CDH18: variants seen among roughly 807,000 people sequenced by gnomAD.
The protein encoded by CDH18 is cadherin 18.
In CDH18, 31 loss-of-function variants were observed where a neutral mutation model predicts 67.9. That is an observed-to-expected ratio of 0.46 (90% CI 0.34 to 0.62). CDH18 has a LOEUF of 0.62. Among genes scored for constraint, CDH18 ranks in the 20% least tolerant of loss-of-function variants. CDH18 has a pLI of 0.01. For synonymous variants in CDH18, 362 were observed against 347.2 expected, an observed-to-expected ratio of 1.04 and a Z score of -0.48; for missense variants, 890 against 975.5, an observed-to-expected ratio of 0.91 and a Z score of 1.17.
chr5:20,090,794 C>G (rs1745349560), intron 2 of CDH18, among the ~76,000 whole-genome samples: 1 of 151,918 alleles, frequency 6.6e-6, no homozygotes, highest in African/African-American at 2.4e-5. Flanking sequence ...CTTTAGGAGG[C>G]CAAGGCGGCC....
At chr5:20,329,659 A>G (rs1420186137) in intron 1 of CDH18, among the ~76,000 whole-genome samples, 1 of 149,618 alleles carries the variant, frequency 6.7e-6, no homozygotes, top group Non-Finnish European at 1.5e-5. Flanking sequence ...AATCCCAGCT[A>G]CTTGGGAGGC....
chr5:19,765,367 T>C (rs544580544), intron 3 of CDH18, among the ~76,000 whole-genome samples: 2 of 150,614 alleles, frequency 1.3e-5, no homozygotes, highest in African/African-American at 4.8e-5. Flanking sequence ...AAAAAGACAA[T>C]CTCAATCTAT....
chr5:19,590,328 C>T (rs747864307), intron 7 of CDH18, among the ~76,000 whole-genome samples: 1 of 151,980 alleles, frequency 6.6e-6, no homozygotes, highest in Non-Finnish European at 1.5e-5. Context: ...GTGTTTAAAA[C>T]CAAGTTATTC....
At chr5:20,382,515 C>T (rs893009386) in intron 1 of CDH18, among the ~76,000 whole-genome samples, 9 of 152,042 alleles carry the variant, frequency 5.9e-5, no homozygotes, top group African/African-American at 2.2e-4. Flanking sequence ...GGATGCCAAT[C>T]ATGGTGATGT....
At chr5:19,875,068 C>G (rs1786780532) in intron 2 of CDH18, among the ~76,000 whole-genome samples, 1 of 152,144 alleles carries the variant, frequency 6.6e-6, no homozygotes, top group Non-Finnish European at 1.5e-5. Context: ...TTCTTCCCAT[C>G]TTGGAAACAC....
intron 2 of CDH18, among the ~76,000 whole-genome samples, chr5:19,905,282 G>C (rs192905851): frequency 6.6e-6 from 1 of 152,028 alleles, no homozygotes; most frequent in Non-Finnish European, 1.5e-5. Context: ...GGTTGGTTTT[G>C]TATCCTAACC....
chr5:20,079,534 T>C (rs776510182), intron 2 of CDH18, among the ~76,000 whole-genome samples: 18 of 152,164 alleles, frequency 1.2e-4, no homozygotes, highest in Admixed American at 2.0e-4. Context: ...ATGCAGACAC[T>C]TCCTTGGCAT....
At chr5:20,512,831 C>A (rs908440454) in intron 1 of CDH18, among the ~76,000 whole-genome samples, 1 of 150,310 alleles carries the variant, frequency 6.7e-6, no homozygotes, top group Non-Finnish European at 1.5e-5. Context: ...TTGCAGTGAG[C>A]CAAGATTGCA....
chr5:19,924,659 A>G (rs903230683), intron 2 of CDH18, among the ~76,000 whole-genome samples: 6 of 152,112 alleles, frequency 3.9e-5, no homozygotes, highest in African/African-American at 1.4e-4. Flanking sequence ...ACAAAACAAT[A>G]GGACTTTAAA....
At chr5:19,598,340 T>G (rs1335652713) in intron 6 of CDH18, among the ~76,000 whole-genome samples, 3 of 152,186 alleles carry the variant, frequency 2.0e-5, no homozygotes, top group Admixed American at 2.0e-4. Context: ...TTCTACTATA[T>G]CCTGAGTTTC....
At chr5:19,616,468 G>T (rs1302714684) in intron 5 of CDH18, among the ~76,000 whole-genome samples, 1 of 152,106 alleles carries the variant, frequency 6.6e-6, no homozygotes, top group Non-Finnish European at 1.5e-5. Context: ...AGATTACCTT[G>T]TCCTAGCTTA....
intron 1 of CDH18, among the ~76,000 whole-genome samples, chr5:20,509,407 C>CTT (rs565488310): frequency 0.091 from 12,718 of 139,234 alleles, 1,460 homozygotes; most frequent in African/African-American, 0.27. Flanking sequence ...CAGGATTTCC[C>CTT]TTTTTTTTTT....
chr5:19,538,006 G>A (rs1026526638), intron 9 of CDH18, among the ~76,000 whole-genome samples: 4 of 152,096 alleles, frequency 2.6e-5, no homozygotes, highest in African/African-American at 4.8e-5. Flanking sequence ...AAAGATAAAA[G>A]GTAAAAAGTA....
chr5:20,501,410 T>A, intron 1 of CDH18, among the ~76,000 whole-genome samples: 1 of 142,788 alleles, frequency 7.0e-6, no homozygotes, highest in South Asian at 2.2e-4. Context: ...ATATATATAT[T>A]TTTATATACA....
At chr5:20,086,640 T>G (rs527999124) in intron 2 of CDH18, among the ~76,000 whole-genome samples, 10 of 151,968 alleles carry the variant, frequency 6.6e-5, no homozygotes, top group Non-Finnish European at 1.3e-4. Context: ...TCTGTAAGAA[T>G]TATGCTAAAT....
At chr5:20,325,636 G>A (rs991523452) in intron 1 of CDH18, among the ~76,000 whole-genome samples, 1 of 150,916 alleles carries the variant, frequency 6.6e-6, no homozygotes, top group Non-Finnish European at 1.5e-5. Flanking sequence ...CAGCATTTAT[G>A]TGCTTTTCTT....
At chr5:19,550,005 T>C (rs1364371489) in intron 8 of CDH18, among the ~76,000 whole-genome samples, 1 of 152,044 alleles carries the variant, frequency 6.6e-6, no homozygotes, top group Non-Finnish European at 1.5e-5. Flanking sequence ...GAGTATGGAA[T>C]TTGATGATTT....
chr5:20,491,407 A>G (rs1421669552), intron 1 of CDH18, among the ~76,000 whole-genome samples: 2 of 152,196 alleles, frequency 1.3e-5, no homozygotes, highest in African/African-American at 2.4e-5. Flanking sequence ...GGGTCCTCCA[A>G]CAGGTTCTCT....
At chr5:20,274,004 G>C (rs969670502) in intron 1 of CDH18, among the ~76,000 whole-genome samples, 1 of 152,118 alleles carries the variant, frequency 6.6e-6, no homozygotes, top group Non-Finnish European at 1.5e-5. Context: ...AGAGAAGAGG[G>C]ATACAGGTGG....
Sources: allele counts gnomAD v4.1 joint callset (sites outside exome capture counted in the v4.1 genomes callset), GRCh38; gene constraint gnomAD v4.1.1; transcripts MANE v1.5; gene names NCBI Gene and HGNC (gene_info 2026-07-23, HGNC 2026-07-21).